Variants in DST observed in about 807,000 individuals in gnomAD.
DST encodes bullous pemphigoid antigen.
A neutral mutation model predicts 875.2 loss-of-function variants in DST; 253 were observed. That is an observed-to-expected ratio of 0.29 (90% confidence interval 0.26 to 0.32). DST has a LOEUF of 0.32. Among genes scored for constraint, DST ranks in the 10% least tolerant of loss-of-function variants. DST has a pLI of 1.00. For synonymous variants in DST, 3,124 were observed against 3,197.1 expected, an observed-to-expected ratio of 0.98 and a Z score of 0.77; for missense variants, 8,287 against 9,111.6, an observed-to-expected ratio of 0.91 and a Z score of 3.68.
chr6:56,920,292 T>C (rs1169578928), intron 2 of DST, among the ~76,000 whole-genome samples: 1 of 152,104 alleles, frequency 6.6e-6, no homozygotes, highest in African/African-American at 2.4e-5. Context: ...TTCCCAGGCA[T>C]GAGAAGAAAG....
chr6:56,914,711 G>A (rs1008175181), intron 2 of DST, among the ~76,000 whole-genome samples: 10 of 152,060 alleles, frequency 6.6e-5, no homozygotes, highest in Admixed American at 2.6e-4. Context: ...AATAACTTAC[G>A]AACCATATTT....
In DST at chr6:56,477,492, C is replaced by G. The variant is rs750594473; in HGVS notation, c.21532-4G>C. ...CTTCCAGTTTCTTCATGAATTCCTACAGCAGAAACAAAGACTTCAATTAAC... is the reference window on the plus strand; with the variant it reads ...CTTCCAGTTTCTTCATGAATTCCTAGAGCAGAAACAAAGACTTCAATTAAC... On this transcript the variant is annotated splice_polypyrimidine_tract_variant and splice_region_variant and intron_variant, in intron 90 of 103. Transcript: ENST00000680361. 4 of 1,613,874 alleles carry G rather than the reference C, an allele frequency of 2.5e-6. No individual in the cohort carries two copies. In the South Asian group the frequency reaches 3.3e-5, roughly 13 times the overall value.
intron 9 of DST, among the ~76,000 whole-genome samples, chr6:56,697,563 AC>A (rs1478513190): frequency 6.6e-6 from 1 of 152,192 alleles, no homozygotes; most frequent in East Asian, 1.9e-4. Context: ...GAACAGAAAC[AC>A]ATTTTTTTTT....
Position 56,629,364 on chromosome 6 carries a change from C to A in DST, c.4361G>T (p.Ser1454Ile). The change falls in exon 32 of 104, where the codon AGT becomes ATT. Residue 1454 changes from serine (S) to isoleucine (I), a missense_variant. By Grantham distance (142) the Ser-to-Ile change is moderately radical. This residue lies in a region of DST where 3,138 missense variants were observed against 3,116.6 expected (regional missense o/e 1.01). Coordinates refer to ENST00000680361, the MANE Select transcript of DST (RefSeq NM_001374736.1). Reference protein sequence around the residue: ...EDELQKAKAISDEMFKTYKER... With the variant: ...EDELQKAKAIIDEMFKTYKER... The stretch of plus-strand genomic sequence containing the variant: ...TTTATACGTTTTAAACATTTCATCA[C>A]TGATGGCTTTAGCTTTCTGCAACTC... 1 of 1,613,742 alleles carries A rather than the reference C, an allele frequency of 6.2e-7. No homozygotes were observed. Among genetic ancestry groups the A allele is most frequent in the Non-Finnish European group, 8.5e-7 (1 of 1,179,750 alleles).
rs1385456096 is a variant in DST, at chr6:56,557,476, T to C, written c.14483A>G (p.Gln4828Arg). Reference protein sequence around the residue: ...QELNQLTIDRQQKLEESSNNL... With the variant: ...QELNQLTIDRRQKLEESSNNL... Reference sequence around the variant, plus strand: ...ATTGGAGGATTCTTCCAGTTTTTGTTGTCTATCAATTGTTAATTGATTGAG... The same window carrying C: ...ATTGGAGGATTCTTCCAGTTTTTGTCGTCTATCAATTGTTAATTGATTGAG... Residue 4828 changes from glutamine (Q) to arginine (R), a missense_variant, in exon 59 of 104, where the codon CAA (glutamine) becomes CGA (arginine). This residue lies in a region of DST where 1,513 missense variants were observed against 1,677.8 expected (regional missense o/e 0.90). Coordinates refer to ENST00000680361, the MANE Select transcript of DST (RefSeq NM_001374736.1). 4 of 1,613,480 alleles carry C rather than the reference T, an allele frequency of 2.5e-6. No homozygotes were observed. Among genetic ancestry groups the C allele is most frequent in the Non-Finnish European group, 3.4e-6 (4 of 1,179,620 alleles).
rs2098475137 is a variant in DST, at chr6:56,604,375, G to C, written c.10253C>G (p.Ser3418Cys). 34 of 1,611,718 alleles carry C rather than the reference G, an allele frequency of 2.1e-5. No individual in the cohort carries two copies. Among genetic ancestry groups the C allele is most frequent in the Non-Finnish European group, 2.8e-5 (33 of 1,178,830 alleles). The change falls in exon 40 of 104, where the codon TCC becomes TGC. Residue 3418 changes from serine (S) to cysteine (C), a missense_variant. Around this residue, in one of 10 missense-constraint regions of DST, gnomAD observed 3,138 missense variants for 3,116.6 expected, o/e 1.01. Coordinates refer to ENST00000680361, the MANE Select transcript of DST (RefSeq NM_001374736.1). Reference sequence around the variant, plus strand: ...TAGTTCTGATGAGTTAGTCATGGGGGAAACTCCAGAAGAGTCACTCATTTG... The same window carrying C: ...TAGTTCTGATGAGTTAGTCATGGGGCAAACTCCAGAAGAGTCACTCATTTG... Reference protein sequence around the residue: ...DSQMSDSSGVSPMTNSSELKP... With the variant: ...DSQMSDSSGVCPMTNSSELKP...
At chr6:56,941,819 G>C (rs1816762610) in intron 2 of DST, among the ~76,000 whole-genome samples, 1 of 152,150 alleles carries the variant, frequency 6.6e-6, no homozygotes, top group Non-Finnish European at 1.5e-5. Flanking sequence ...GTTAGGTCAA[G>C]ATAGTTGGTA....
intron 61 of DST, among the ~76,000 whole-genome samples, chr6:56,537,517 A>G (rs1227304073): frequency 6.6e-6 from 1 of 152,208 alleles, no homozygotes; most frequent in East Asian, 1.9e-4. Flanking sequence ...AAAAATACAT[A>G]GGCATGTGCT....
At chr6:56,610,308 C>T (rs1459779612) in intron 39 of DST, 119 bp downstream of exon 39, 3 of 722,874 alleles carry the variant, frequency 4.2e-6, no homozygotes, top group Admixed American at 3.7e-5. Context: ...AAACTCAATC[C>T]CTATTTTAAC....
At chr6:56,800,041 A>G (rs2099744931) in intron 4 of DST, among the ~76,000 whole-genome samples, 1 of 152,214 alleles carries the variant, frequency 6.6e-6, no homozygotes, top group Non-Finnish European at 1.5e-5. Flanking sequence ...AAGAAGCCAA[A>G]ACATTTCTCT....
At chr6:56,571,741 G>T (rs1167549420) in intron 53 of DST, among the ~76,000 whole-genome samples, 1 of 152,138 alleles carries the variant, frequency 6.6e-6, no homozygotes, top group Non-Finnish European at 1.5e-5. Flanking sequence ...AAAGAACCAC[G>T]AGCTGTTGTT....
intron 3 of DST, among the ~76,000 whole-genome samples, chr6:56,891,267 T>C (rs1787268348): frequency 6.6e-6 from 1 of 152,154 alleles, no homozygotes; most frequent in Non-Finnish European, 1.5e-5. Context: ...TAAGACACCC[T>C]GAAGACCTCT....
chr6:56,517,408 G>A, intron 70 of DST, 93 bp downstream of exon 70: 1 of 1,582,210 alleles, frequency 6.3e-7, no homozygotes, highest in Middle Eastern at 1.7e-4. Context: ...TACACTAGAG[G>A]GGTCTTAAAA....
In DST at chr6:56,703,671, C is replaced by G. The variant is rs1308419248; in HGVS notation, c.853G>C (p.Asp285His). The change falls in exon 7 of 104, where the codon GAT becomes CAT. Residue 285 changes from aspartate (D) to histidine (H), a missense_variant. Asp to His is a moderately conservative substitution (Grantham distance 81). Around this residue, in one of 10 missense-constraint regions of DST, gnomAD observed 1,160 missense variants for 1,424.3 expected, o/e 0.81. Transcript: ENST00000680361. The stretch of plus-strand genomic sequence containing the variant: ...ACCCCCTTATCCTCATCCTCCACAT[C>G]CTCATGCTGTTCATATTCGCATGCT... The part of the protein sequence containing the change: ...TEACEYEQHE[D>H]VEDEDKGPRE... The G allele has an allele frequency of 5.1e-6, 5 of 985,060 alleles. No individual in the cohort carries two copies. In the African/African-American group the frequency reaches 7.0e-5, roughly 14 times the overall value. 61.0% of individuals were successfully genotyped at this position (985,060 alleles called of 1,614,324 possible).
chr6:56,625,129 T>C, intron 35 of DST, 28 bp downstream of exon 35: 1 of 1,455,290 alleles, frequency 6.9e-7, no homozygotes, highest in East Asian at 2.3e-5. Flanking sequence ...TTATGCCCCT[T>C]CCCCTCTTTC....
chr6:56,500,987 T>C (rs2096100784), intron 80 of DST, 93 bp downstream of exon 80: 1 of 1,258,570 alleles, frequency 7.9e-7, no homozygotes, highest in Admixed American at 2.6e-5. Context: ...ATCATAAACT[T>C]GAAACACGCA....
At position 56,605,948 on chromosome 6, in the gene DST, T is replaced by G. The variant is rs765328653; in HGVS notation, c.8680A>C (p.Asn2894His). The G allele has an allele frequency of 1.7e-5, 27 of 1,612,668 alleles. No individual in the cohort carries two copies. Among genetic ancestry groups the G allele is most frequent in the Non-Finnish European group, 2.2e-5 (26 of 1,179,452 alleles). Residue 2894 changes from asparagine (N) to histidine (H), a missense_variant, in exon 40 of 104, where the codon AAC (asparagine) becomes CAC (histidine). Physicochemically the swap from Asn to His is moderately conservative, Grantham distance 68 (BLOSUM62 1). Around this residue, in one of 10 missense-constraint regions of DST, gnomAD observed 3,138 missense variants for 3,116.6 expected, o/e 1.01. Coordinates refer to ENST00000680361, the MANE Select transcript of DST (RefSeq NM_001374736.1). ...SENNLVTEKS[N>H]LPEYTTEIAG... ...ATCTCAGTTGTATATTCTGGAAGGT[T>G]GCTTTTTTCAGTAACTAAGTTATTT...
At chr6:56,700,981 CT>C (rs373838192) in intron 8 of DST, among the ~76,000 whole-genome samples, 318 of 128,470 alleles carry the variant, frequency 2.5e-3, no homozygotes, top group African/African-American at 6.0e-3. Flanking sequence ...TTTCTCTTGC[CT>C]TTTTTTTTTT....
intron 4 of DST, among the ~76,000 whole-genome samples, chr6:56,831,724 C>A (rs923148730): frequency 4.0e-5 from 6 of 151,810 alleles, no homozygotes; most frequent in African/African-American, 1.5e-4. Context: ...ACCACATGTT[C>A]CAAACTGGTG....
Sources: gnomAD v4.1 joint callset for allele counts (sites outside exome capture counted in the v4.1 genomes callset) on GRCh38, gnomAD v4.1.1 for gene constraint, gnomAD v4.1.1 regional missense constraint, MANE v1.5 for transcripts, NCBI Gene and HGNC (gene_info 2026-07-23, HGNC 2026-07-21) for gene names.